CBR4: variants seen among roughly 807,000 people sequenced by gnomAD.
The protein encoded by CBR4 is carbonyl reductase 4.
In CBR4, 22 loss-of-function variants were observed where a neutral mutation model predicts 21.0. That is an observed-to-expected ratio of 1.05 (90% CI 0.75 to 1.50). The LOEUF is 1.50. Ranked by LOEUF, CBR4 falls within the 40% of genes most tolerant of loss-of-function variation. CBR4 has a pLI of 0.00. For missense variants in CBR4, 302 were observed against 286.3 expected (o/e 1.05, Z -0.40); for synonymous variants, 100 against 104.4 (o/e 0.96, Z 0.26).
intron 2 of CBR4, among the ~76,000 whole-genome samples, chr4:168,961,159 C>A (rs1047996261): frequency 6.6e-6 from 1 of 152,126 alleles, no homozygotes; most frequent in Non-Finnish European, 1.5e-5. Context: ...AATTTTTTTT[C>A]TATGACTGGC....
At chr4:168,898,417 T>TA in intron 2 of CBR4, 2 of 903,668 alleles carry the variant, frequency 2.2e-6, no homozygotes, top group Non-Finnish European at 3.7e-6. Flanking sequence ...TCTAGGGCCT[T>TA]ATTGGGGGGC....
rs1014332723 is a variant in CBR4 at position 169,007,008 on chromosome 4, T to C, written c.264-117A>G. 5.5e-6 allele frequency: 4 copies of C among 729,562 alleles called. No individual in the cohort carries two copies. In the African/African-American group the frequency reaches 7.0e-5, roughly 13 times the overall value. 45.2% of individuals were successfully genotyped at this position (729,562 alleles called of 1,614,324 possible). On this transcript the variant is annotated intron_variant, in intron 2 of 4. Transcript: ENST00000306193. Reference sequence around the variant, plus strand: ...GAAGTGCTTCCTATCTGAGCTAGAATAGCTAGAATACCTAGAGTCCCATTT... The same window carrying C: ...GAAGTGCTTCCTATCTGAGCTAGAACAGCTAGAATACCTAGAGTCCCATTT...
At chr4:168,941,819 A>C (rs1763271692) in intron 2 of CBR4, among the ~76,000 whole-genome samples, 1 of 152,204 alleles carries the variant, frequency 6.6e-6, no homozygotes, top group Non-Finnish European at 1.5e-5. Flanking sequence ...ATGACCAGTG[A>C]TGATGAGCTT....
At chr4:168,961,283 T>C (rs959488548) in intron 2 of CBR4, among the ~76,000 whole-genome samples, 33 of 152,168 alleles carry the variant, frequency 2.2e-4, no homozygotes, top group Admixed American at 3.9e-4. Flanking sequence ...AAAAGTAAGT[T>C]AGAAACTGTA....
chr4:168,958,471 T>C (rs1370577136), intron 2 of CBR4, among the ~76,000 whole-genome samples: 1 of 152,252 alleles, frequency 6.6e-6, no homozygotes. Flanking sequence ...CTCTTATTAA[T>C]GAATATGTGG....
At position 169,002,167 on chromosome 4, in the gene CBR4, C is replaced by A; in HGVS notation, c.439G>T (p.Val147Phe). ...VGLKGNSGQS[V>F]YSASKGGLVG... is the part of the protein sequence containing the mutation. ...AATCCTCCTTTACTGGCACTGTAAA[C>A]GGACTGGCCAGAGTTGCCTTTTAAG... Residue 147 changes from valine (V) to phenylalanine (F), a missense_variant, in exon 4 of 5, where the codon GTT becomes TTT. Transcript: ENST00000306193. 1 of 1,531,358 alleles carries A rather than the reference C, an allele frequency of 6.5e-7. No homozygotes were observed. Among genetic ancestry groups the A allele is most frequent in the Non-Finnish European group, 8.7e-7 (1 of 1,143,020 alleles). 94.9% of individuals were successfully genotyped at this position (1,531,358 alleles called of 1,614,324 possible).
intron 2 of CBR4, among the ~76,000 whole-genome samples, chr4:168,969,707 A>G (rs1764147312): frequency 6.6e-6 from 1 of 151,844 alleles, no homozygotes; most frequent in African/African-American, 2.4e-5. Context: ...ACAAAAACGG[A>G]CCTCTCATAT....
chr4:169,009,622 A>G (rs968970108), intron 1 of CBR4, among the ~76,000 whole-genome samples: 15 of 152,256 alleles, frequency 9.9e-5, no homozygotes, highest in Admixed American at 8.5e-4. Context: ...TCTCTCCCAC[A>G]ACAGGGAAGC....
At chr4:168,973,704 T>A (rs1181371846) in intron 2 of CBR4, among the ~76,000 whole-genome samples, 4 of 152,222 alleles carry the variant, frequency 2.6e-5, no homozygotes, top group Non-Finnish European at 5.9e-5. Context: ...GGCGATTTTT[T>A]AATTACTCTT....
chr4:168,966,356 C>CAAAAAAAAAAA (rs1215042926), intron 2 of CBR4, among the ~76,000 whole-genome samples: 9 of 75,180 alleles, frequency 1.2e-4, no homozygotes, highest in Admixed American at 1.6e-4. Flanking sequence ...ACTAAAAATA[C>CAAAAAAAAAAA]AAAAAAAAAA....
At chr4:169,008,358 C>A (rs1210154014) in intron 1 of CBR4, among the ~76,000 whole-genome samples, 1 of 152,112 alleles carries the variant, frequency 6.6e-6, no homozygotes, top group Non-Finnish European at 1.5e-5. Flanking sequence ...CTGTTACTTA[C>A]CACTTTTAAA....
intron 2 of CBR4, chr4:168,928,307 C>T (rs1403366926): frequency 6.1e-6 from 1 of 163,040 alleles, no homozygotes; most frequent in Non-Finnish European, 1.3e-5. Context: ...ATTATTTTGC[C>T]ACCTTTATAT....
chr4:168,997,590 T>C (rs1765266564), intron 4 of CBR4, among the ~76,000 whole-genome samples: 1 of 152,104 alleles, frequency 6.6e-6, no homozygotes, highest in Admixed American at 6.6e-5. Flanking sequence ...TGAAACCCCA[T>C]CTCAAAAAAA....
rs1403227271 is a variant in CBR4 at position 168,927,854 on chromosome 4, T to C, written n.170-33089A>G. On this transcript the variant is annotated intron_variant and non_coding_transcript_variant, in intron 2 of 3. Coordinates refer to the CBR4 transcript ENST00000509108. The stretch of plus-strand genomic sequence containing the variant: ...CCTAGTAGTATAAAACATGAGGCTT[T>C]AATGGTACTTTGCTATGAAAAGAAA... The C allele has an allele frequency of 2.4e-5, 5 of 212,192 alleles. No individual in the cohort carries two copies. The East Asian group carries it at 3.6e-4, about 15-fold the overall frequency. 13.1% of individuals were successfully genotyped at this position (212,192 alleles called of 1,614,324 possible).
At chr4:168,903,976 A>G in intron 2 of CBR4, 1 of 1,385,678 alleles carries the variant, frequency 7.2e-7, no homozygotes, top group Non-Finnish European at 1.0e-6. Flanking sequence ...AGACAAAGGA[A>G]CTATTTAAAA....
At chr4:168,963,110 T>C (rs1239565462) in intron 2 of CBR4, among the ~76,000 whole-genome samples, 2 of 152,196 alleles carry the variant, frequency 1.3e-5, no homozygotes, top group African/African-American at 2.4e-5. Flanking sequence ...TCAAAATCCA[T>C]GTTCATTCCA....
intron 2 of CBR4, among the ~76,000 whole-genome samples, chr4:168,941,342 G>T (rs1582298023): frequency 6.6e-6 from 1 of 151,998 alleles, no homozygotes; most frequent in East Asian, 1.9e-4. Context: ...TTTTTAAAAA[G>T]ATTATACACC....
intron 2 of CBR4, among the ~76,000 whole-genome samples, chr4:168,950,543 C>T (rs904092295): frequency 6.6e-6 from 1 of 152,094 alleles, no homozygotes; most frequent in Non-Finnish European, 1.5e-5. Flanking sequence ...AAATTCCATG[C>T]ACTGCTGAAT....
At chr4:168,953,494 G>A (rs1763603857) in intron 2 of CBR4, among the ~76,000 whole-genome samples, 1 of 151,868 alleles carries the variant, frequency 6.6e-6, no homozygotes, top group South Asian at 2.1e-4. Context: ...CACAATCACA[G>A]CTCACTGCAG....
Sources: gnomAD v4.1 joint callset for allele counts (sites outside exome capture counted in the v4.1 genomes callset) on GRCh38, gnomAD v4.1.1 for gene constraint, MANE v1.5 for transcripts, NCBI Gene and HGNC (gene_info 2026-07-23, HGNC 2026-07-21) for gene names.